LIPH: variants seen among roughly 807,000 people sequenced by gnomAD.
The protein encoded by LIPH is lipase H.
LIPH carries 32 observed loss-of-function variants against 47.6 expected under a neutral mutation model. The ratio of observed to expected loss-of-function variants is 0.67; its 90% CI spans 0.51 to 0.90. The LOEUF (loss-of-function observed/expected upper bound fraction) is 0.90. Among genes scored for constraint, LIPH ranks in the 40% least tolerant of loss-of-function variants. The probability of loss-of-function intolerance (pLI) is 0.00; values close to 1 mark genes in which losing one functional copy is unlikely to be tolerated. For synonymous variants in LIPH, 190 were observed against 195.6 expected, an observed-to-expected ratio of 0.97 and a Z score of 0.24; for missense variants, 497 against 541.4, an observed-to-expected ratio of 0.92 and a Z score of 0.81.
At position 185,533,660 on chromosome 3, in the gene LIPH, T is replaced by C. The variant is rs771940990; in HGVS notation, c.437A>G (p.Asp146Gly). ...ACTTACTCCGATCATGTAAATGTCA[T>C]CAAGAGAAGCTCCTTCTGCCTGGAA... ...DQMLAEGASL[D>G]DIYMIGVSLG... The change falls in exon 3 of 10, where the codon GAT becomes GGT. Residue 146 changes from aspartate (D) to glycine (G), a missense_variant. Asp to Gly is a moderately conservative substitution (Grantham distance 94, BLOSUM62 -1). Transcript: ENST00000296252. The C allele has an allele frequency of 1.9e-6, 3 of 1,613,396 alleles. No homozygotes were observed. The highest frequency in any genetic ancestry group is 1.1e-5 in the South Asian group (1 of 91,058).
In LIPH at chr3:185,552,548, G is replaced by T; in HGVS notation, c.-77C>A. On this transcript the variant is annotated 5_prime_UTR_variant, in exon 1 of 10. Coordinates refer to ENST00000296252, the MANE Select transcript of LIPH (RefSeq NM_139248.3). ...AGAGGCTTAAGAGTTTCCACTGTGG[G>T]ATTTTGCTCACAGTGAGCTCAGACG... 9.2e-7 allele frequency: 1 copy of T among 1,088,380 alleles called. No homozygotes were observed. Among genetic ancestry groups the T allele is most frequent in the Non-Finnish European group, 1.4e-6 (1 of 702,512 alleles). The allele number at this position is 1,088,380 out of a possible 1,614,324, so 67.4% of individuals were successfully genotyped here.
rs564239147 is a variant in LIPH at position 185,521,619 on chromosome 3, A to G, written c.719-2310T>C. On this transcript the variant is annotated intron_variant, in intron 5 of 9. Transcript: ENST00000296252. ...AACCAGGCAGGCAATCAAGAGAGAC[A>G]TGGCGGACACCTGCCAGATGTTGAG... is the stretch of plus-strand genomic sequence containing the variant. Among the ~76,000 whole-genome samples the G allele has an allele frequency of 7.2e-5, 11 of 152,362 alleles. No individual in the cohort carries two copies. The South Asian group carries it at 2.1e-3, about 29-fold the overall frequency.
At position 185,527,598 on chromosome 3, in the gene LIPH, C is replaced by G; in HGVS notation, c.527-13G>C. On this transcript the variant is annotated splice_polypyrimidine_tract_variant and intron_variant, in intron 3 of 9. Transcript: ENST00000296252. The stretch of plus-strand genomic sequence containing the variant: ...GCAGGGTCGAGGCCTGGAAGGAAAA[C>G]AGAGTCACTTGGCAGCCCCACACCA... 1.3e-6 allele frequency: 2 copies of G among 1,566,056 alleles called. No homozygotes were observed. Among genetic ancestry groups the G allele is most frequent in the Non-Finnish European group, 1.8e-6 (2 of 1,138,286 alleles).
At chr3:185,526,557 G>C (rs1011695289) in intron 4 of LIPH, among the ~76,000 whole-genome samples, 11 of 106,008 alleles carry the variant, frequency 1.0e-4, no homozygotes, top group African/African-American at 3.6e-4. Flanking sequence ...AATAAGATAA[G>C]ATAAGATAAA....
At chr3:185,511,496 GT>G (rs766390587) in intron 9 of LIPH, 27 bp downstream of exon 9, 3 of 1,611,102 alleles carry the variant, frequency 1.9e-6, no homozygotes, top group African/African-American at 2.7e-5. Flanking sequence ...GGAAAACAGC[GT>G]TTTGTCAAAC....
At chr3:185,529,126 A>G (rs1307167831) in intron 3 of LIPH, among the ~76,000 whole-genome samples, 1 of 144,870 alleles carries the variant, frequency 6.9e-6, no homozygotes, top group Non-Finnish European at 1.5e-5. Context: ...GCAGTGAGCC[A>G]AGATCGTGCC....
At chr3:185,546,679 G>A (rs1720884238) in intron 1 of LIPH, among the ~76,000 whole-genome samples, 1 of 152,066 alleles carries the variant, frequency 6.6e-6, no homozygotes, top group African/African-American at 2.4e-5. Context: ...ACATGCTGGT[G>A]GTCCCAGCTA....
intron 1 of LIPH, among the ~76,000 whole-genome samples, chr3:185,541,756 A>ATTTAT (rs769934736): frequency 8.0e-6 from 1 of 124,322 alleles, no homozygotes; most frequent in African/African-American, 3.0e-5. Context: ...TTATTTATTT[A>ATTTAT]TTATTATTTT....
At chr3:185,528,990 C>T (rs1158628634) in intron 3 of LIPH, among the ~76,000 whole-genome samples, 13 of 137,080 alleles carry the variant, frequency 9.5e-5, no homozygotes, top group African/African-American at 3.0e-4. Flanking sequence ...GGTGAAACCC[C>T]GTATCTATTA....
At position 185,533,475 on chromosome 3, in the gene LIPH, G is replaced by A. The variant is rs1295353187; in HGVS notation, c.526+96C>T. On this transcript the variant is annotated intron_variant, in intron 3 of 9. Coordinates refer to ENST00000296252, the MANE Select transcript of LIPH (RefSeq NM_139248.3). ...TCAGAGAGGTTAGGTAATTGGAGCT[G>A]GCTTTGAACCCAAGGAGTTGGATTG... 6 of 820,544 alleles carry A rather than the reference G, an allele frequency of 7.3e-6. No individual in the cohort carries two copies. In the East Asian group the frequency reaches 1.5e-4, roughly 20 times the overall value. The allele number at this position is 820,544 out of a possible 1,614,324, so 50.8% of individuals were successfully genotyped here.
chr3:185,510,024 A>T (rs1400936368), intron 9 of LIPH, among the ~76,000 whole-genome samples: 1 of 144,044 alleles, frequency 6.9e-6, no homozygotes, highest in Non-Finnish European at 1.5e-5. Context: ...TCGGCTCACC[A>T]CAACTTCTGC....
intron 4 of LIPH, 48 bp from the exon 5 acceptor site, chr3:185,524,208 T>C (rs759818714): frequency 1.1e-5 from 12 of 1,086,168 alleles, no homozygotes; most frequent in Non-Finnish European, 1.4e-6. Context: ...ATTTTTCCTA[T>C]CTCACAGCTC....
chr3:185,512,874 C>A (rs867740180), intron 8 of LIPH, among the ~76,000 whole-genome samples: 15 of 152,090 alleles, frequency 9.9e-5, no homozygotes, highest in African/African-American at 3.4e-4. Flanking sequence ...CCATGGAGTA[C>A]AGAAGTGCCA....
intron 6 of LIPH, among the ~76,000 whole-genome samples, chr3:185,518,436 T>A (rs1043758557): frequency 6.6e-6 from 1 of 151,998 alleles, no homozygotes; most frequent in Non-Finnish European, 1.5e-5. Flanking sequence ...CCCGCCACCA[T>A]GCCCAGCTAA....
intron 1 of LIPH, among the ~76,000 whole-genome samples, chr3:185,549,812 G>A (rs112805753): frequency 0.048 from 7,289 of 152,024 alleles, 287 homozygotes; most frequent in East Asian, 0.24. Context: ...CTCCCACCTC[G>A]GCCTCCCCAA....
In LIPH at chr3:185,532,472, C is replaced by A. The variant is rs537636192; in HGVS notation, c.526+1099G>T. 2.7e-5 allele frequency among the ~76,000 whole-genome samples: 4 copies of A among 150,768 alleles called. No individual in the cohort carries two copies. In the South Asian group the frequency reaches 8.4e-4, roughly 32 times the overall value. On this transcript the variant is annotated intron_variant, in intron 3 of 9. Coordinates refer to ENST00000296252, the MANE Select transcript of LIPH (RefSeq NM_139248.3). ...AGGCTGCAGTGAGCTGCATGCCAGCCTGGGCAACACAGCGAGACCCTGTCA... is the reference window on the plus strand; with the variant it reads ...AGGCTGCAGTGAGCTGCATGCCAGCATGGGCAACACAGCGAGACCCTGTCA...
In LIPH at chr3:185,533,593, A is replaced by G. The variant is rs750482764; in HGVS notation, c.504T>C (p.Asp168=). Residue 168 remains aspartate (D), a synonymous_variant, in exon 3 of 10, where the codon GAT becomes GAC. Coordinates refer to ENST00000296252, the MANE Select transcript of LIPH (RefSeq NM_139248.3). The stretch of plus-strand genomic sequence containing the variant: ...TACCTGTAATTCTCCCCAGCCATCC[A>G]TCGTACATCTCTCCAACAAACCCAG... ...HISGFVGEMY[D]GWLGRITGLD... The G allele has an allele frequency of 5.6e-6, 9 of 1,613,280 alleles. No homozygotes were observed. The highest frequency in any genetic ancestry group is 3.3e-5 in the South Asian group (3 of 91,042).
At chr3:185,540,599 T>C (rs961115852) in intron 1 of LIPH, among the ~76,000 whole-genome samples, 2 of 151,734 alleles carry the variant, frequency 1.3e-5, no homozygotes, top group Non-Finnish European at 2.9e-5. Flanking sequence ...GCGCCTGTAG[T>C]CCCAGCTACT....
At chr3:185,542,860 C>A (rs538668776) in intron 1 of LIPH, among the ~76,000 whole-genome samples, 19 of 152,078 alleles carry the variant, frequency 1.2e-4, no homozygotes, top group Non-Finnish European at 2.4e-4. Context: ...AGTGAAATAA[C>A]ACAGACACAG....
Sources: gnomAD v4.1 joint callset for allele counts (sites outside exome capture counted in the v4.1 genomes callset) on GRCh38, gnomAD v4.1.1 for gene constraint, MANE v1.5 for transcripts, NCBI Gene and HGNC (gene_info 2026-07-23, HGNC 2026-07-21) for gene names.